PARN: variants seen among roughly 807,000 people sequenced by gnomAD.
PARN encodes the protein poly(A)-specific ribonuclease PARN.
A neutral mutation model predicts 102.8 loss-of-function variants in PARN; 71 were observed. That is an observed-to-expected ratio of 0.69 (90% CI 0.57 to 0.84). The LOEUF is 0.84. Ranked by LOEUF, PARN falls within the 40% of genes least tolerant of loss-of-function variation. The pLI is 0.00. For missense variants in PARN, 782 were observed against 760.9 expected (o/e 1.03, Z -0.33); for synonymous variants, 261 against 252.9 (o/e 1.03, Z -0.30).
At chr16:14,521,333 C>A (rs1188152059) in intron 21 of PARN, among the ~76,000 whole-genome samples, 2 of 152,206 alleles carry the variant, frequency 1.3e-5, no homozygotes, top group African/African-American at 4.8e-5. Flanking sequence ...CCAAAAAGTT[C>A]TATGGCCTGC....
At chr16:14,627,815 G>C (rs1456975354) in intron 3 of PARN, among the ~76,000 whole-genome samples, 2 of 152,062 alleles carry the variant, frequency 1.3e-5, no homozygotes, top group African/African-American at 4.8e-5. Context: ...AAGTGAGACC[G>C]ATCTCTACAA....
At chr16:14,608,184 G>A (rs895372940) in intron 9 of PARN, 97 bp downstream of exon 9, 31 of 872,476 alleles carry the variant, frequency 3.6e-5, no homozygotes, top group Middle Eastern at 2.2e-4. Context: ...ACTGAGAACC[G>A]CAGAATTTCA....
intron 21 of PARN, among the ~76,000 whole-genome samples, chr16:14,529,725 G>A (rs1251206599): frequency 6.6e-6 from 1 of 152,074 alleles, no homozygotes; most frequent in Non-Finnish European, 1.5e-5. Context: ...AGGGAGTATC[G>A]TCCTCTGATG....
At chr16:14,610,905 T>C (rs1971484923) in intron 6 of PARN, 96 bp from the exon 7 acceptor site, 1 of 760,270 alleles carries the variant, frequency 1.3e-6, no homozygotes, top group Non-Finnish European at 2.2e-6. Flanking sequence ...TCAGGAAAGA[T>C]TTACCATATT....
intron 22 of PARN, among the ~76,000 whole-genome samples, chr16:14,474,470 T>C (rs1245778710): frequency 2.6e-5 from 4 of 152,228 alleles, no homozygotes; most frequent in Non-Finnish European, 5.9e-5. Flanking sequence ...ATTTGCTATT[T>C]GAGAGAATCA....
chr16:14,593,361 T>C lies in PARN; in HGVS notation c.858A>G (p.Gly286=). Residue 286 remains glycine (G), a synonymous_variant, in exon 13 of 24, where the codon GGA becomes GGG. Transcript: ENST00000437198. ...AIANSGKLVI[G]HNMLLDVMHT... ...GCATGACGTCCAAGAGCATATTGTG[T>C]CCAATAACAAGTTTTCCCTAAAGAA... 2 of 1,600,172 alleles carry C rather than the reference T, an allele frequency of 1.2e-6. No individual in the cohort carries two copies. The highest frequency in any genetic ancestry group is 1.7e-6 in the Non-Finnish European group (2 of 1,168,024).
At chr16:14,569,897 C>T (rs764775998) in intron 18 of PARN, among the ~76,000 whole-genome samples, 1 of 152,000 alleles carries the variant, frequency 6.6e-6, no homozygotes, top group Non-Finnish European at 1.5e-5. Context: ...TCAAACTGTA[C>T]ATTTTAAATG....
At chr16:14,626,839 G>T (rs1476404926) in intron 5 of PARN, among the ~76,000 whole-genome samples, 1 of 151,654 alleles carries the variant, frequency 6.6e-6, no homozygotes, top group Non-Finnish European at 1.5e-5. Context: ...GGATGGTCTC[G>T]ATCTCCTGAC....
chr16:14,479,127 A>G (rs756480125), intron 22 of PARN, among the ~76,000 whole-genome samples: 4 of 152,190 alleles, frequency 2.6e-5, no homozygotes, highest in Non-Finnish European at 5.9e-5. Context: ...ACATTTAAGA[A>G]ACAATTCCAG....
At chr16:14,459,717 A>G (rs1961859915) in intron 22 of PARN, among the ~76,000 whole-genome samples, 1 of 152,238 alleles carries the variant, frequency 6.6e-6, no homozygotes, top group Non-Finnish European at 1.5e-5. Flanking sequence ...TAGAAAAGAC[A>G]AGATTAAAGG....
chr16:14,526,795 G>A (rs548743026), intron 21 of PARN, among the ~76,000 whole-genome samples: 1 of 152,312 alleles, frequency 6.6e-6, no homozygotes, highest in South Asian at 2.1e-4. Flanking sequence ...ACTGTGCCAG[G>A]GTTAAAGTTG....
chr16:14,595,315 T>C (rs1813656689), intron 12 of PARN, among the ~76,000 whole-genome samples: 1 of 152,000 alleles, frequency 6.6e-6, no homozygotes, highest in Non-Finnish European at 1.5e-5. Flanking sequence ...GAATCTGAGG[T>C]ATCAGTATAA....
chr16:14,613,449 C>G (rs1054368226), intron 6 of PARN, among the ~76,000 whole-genome samples: 1 of 152,084 alleles, frequency 6.6e-6, no homozygotes, highest in Non-Finnish European at 1.5e-5. Context: ...TGGTAAAACC[C>G]TCTCTCTACC....
chr16:14,582,945 A>C lies in PARN; in HGVS notation c.1082-654T>G, dbSNP rs946996495. 2.9e-4 allele frequency among the ~76,000 whole-genome samples: 44 copies of C among 152,204 alleles called. No individual in the cohort carries two copies. The Middle Eastern group carries it at 0.024, about 82-fold the overall frequency. ...TCAATACCTGAGGCAACCCTCCCCCAAAAAAAGAGAAGACTGCAATTCACT... is the reference window on the plus strand; with the variant it reads ...TCAATACCTGAGGCAACCCTCCCCCCAAAAAAGAGAAGACTGCAATTCACT... On this transcript the variant is annotated intron_variant, in intron 16 of 23. Transcript: ENST00000437198.
At chr16:14,493,843 C>T (rs1964178905) in intron 21 of PARN, among the ~76,000 whole-genome samples, 1 of 152,168 alleles carries the variant, frequency 6.6e-6, no homozygotes. Context: ...TTTGATTAGC[C>T]AGCCTGGTGT....
At chr16:14,497,212 T>A (rs1190515736) in intron 21 of PARN, among the ~76,000 whole-genome samples, 3 of 151,996 alleles carry the variant, frequency 2.0e-5, no homozygotes, top group African/African-American at 7.2e-5. Flanking sequence ...CCTGACCCAC[T>A]AAACAAGCCC....
rs191347284 is a variant in PARN, at chr16:14,503,035, A to G, written c.1481-20208T>C. 6.7e-3 allele frequency among the ~76,000 whole-genome samples: 1,026 copies of G among 152,332 alleles called. 17 individuals carry two copies. Among genetic ancestry groups the G allele is most frequent in the Middle Eastern group, 6.8e-3 (2 of 294 alleles). ...ATTGTGAGAATGGTTTAAATAAAAC[A>G]TAAGACGGTAGAGATATTTCACCTT... On this transcript the variant is annotated intron_variant, in intron 21 of 23. Transcript: ENST00000437198.
chr16:14,501,370 C>T (rs181307013), intron 21 of PARN, among the ~76,000 whole-genome samples: 7 of 127,568 alleles, frequency 5.5e-5, no homozygotes, highest in Admixed American at 4.8e-4. Context: ...CTACTTGGGA[C>T]GCTGAGGTGG....
chr16:14,494,993 T>C (rs1964239286), intron 21 of PARN, among the ~76,000 whole-genome samples: 1 of 152,070 alleles, frequency 6.6e-6, no homozygotes, highest in Admixed American at 6.6e-5. Context: ...ATCACTGGCA[T>C]GAAGGTGGTG....
Sources: allele counts gnomAD v4.1 joint callset (sites outside exome capture counted in the v4.1 genomes callset), GRCh38; gene constraint gnomAD v4.1.1; transcripts MANE v1.5; gene names NCBI Gene and HGNC (gene_info 2026-07-23, HGNC 2026-07-21).